Variants in TANC1 observed in about 807,000 individuals in gnomAD.
TANC1 encodes the protein protein TANC1.
TANC1 carries 77 observed loss-of-function variants against 149.7 expected under a neutral mutation model. That is an observed-to-expected ratio of 0.51 (90% confidence interval 0.43 to 0.62). The LOEUF (loss-of-function observed/expected upper bound fraction) is 0.62, where lower values mean the gene tolerates loss of function less well. TANC1 is among the 20% of genes least tolerant of loss of function. The probability of loss-of-function intolerance (pLI) is 0.00; values close to 1 mark genes in which losing one functional copy is unlikely to be tolerated. For synonymous variants in TANC1, 854 were observed against 925.0 expected, an observed-to-expected ratio of 0.92 and a Z score of 1.39; for missense variants, 1,985 against 2,321.8, an observed-to-expected ratio of 0.85 and a Z score of 2.98.
intron 19 of TANC1, among the ~76,000 whole-genome samples, chr2:159,213,441 CTCGGTATGTAAAACTGA>C (rs2059134556): frequency 6.6e-6 from 1 of 151,724 alleles, no homozygotes; most frequent in African/African-American, 2.4e-5. Flanking sequence ...GTCTCAGTGC[CTCGGTATGTAAAACTGA>C]CATAAATACC....
chr2:159,060,181 T>A, intron 2 of TANC1: 1 of 520,216 alleles, frequency 1.9e-6, no homozygotes, highest in Non-Finnish European at 2.5e-6. Flanking sequence ...TTGATGCTTC[T>A]TTGAAGCAAA....
Position 159,150,351 on chromosome 2 carries a change from C to G in TANC1, c.496-19C>G. 1 of 1,610,052 alleles carries G rather than the reference C, an allele frequency of 6.2e-7. No homozygotes were observed. The highest frequency in any genetic ancestry group is 8.5e-7 in the Non-Finnish European group (1 of 1,176,940). On this transcript the variant is annotated intron_variant, in intron 6 of 26. Coordinates refer to ENST00000263635, the MANE Select transcript of TANC1 (RefSeq NM_033394.3). ...TCCTGTGTAAGCCGTGCTAACTCCT[C>G]CTTCCATTCATCTTGCAGTGCACAG...
chr2:159,046,446 C>T (rs1007351124), intron 2 of TANC1, among the ~76,000 whole-genome samples: 2 of 152,126 alleles, frequency 1.3e-5, no homozygotes, highest in African/African-American at 4.8e-5. Flanking sequence ...TTGTCGACGT[C>T]CCAAATGGCC....
chr2:159,011,515 A>G (rs1356340421), intron 2 of TANC1, among the ~76,000 whole-genome samples: 3 of 149,498 alleles, frequency 2.0e-5, no homozygotes, highest in Non-Finnish European at 3.0e-5. Context: ...TGGAATTCAA[A>G]TTACACCTTA....
At chr2:159,073,537 A>T (rs2043352869) in intron 3 of TANC1, among the ~76,000 whole-genome samples, 1 of 152,192 alleles carries the variant, frequency 6.6e-6, no homozygotes, top group Admixed American at 6.5e-5. Context: ...TGCTTTTTGT[A>T]TGTGTATGTA....
At chr2:159,148,984 A>G in intron 5 of TANC1, 158 bp from the exon 6 acceptor site, 1 of 756,338 alleles carries the variant, frequency 1.3e-6, no homozygotes, top group Non-Finnish European at 2.1e-6. Context: ...CTTAATTAGA[A>G]TGTATTGCTA....
intron 3 of TANC1, among the ~76,000 whole-genome samples, chr2:159,072,604 T>C (rs1052878307): frequency 6.6e-6 from 1 of 152,206 alleles, no homozygotes; most frequent in Admixed American, 6.5e-5. Flanking sequence ...GAAAACTGTG[T>C]GATACCTTAA....
At chr2:159,136,073 G>A in intron 4 of TANC1, 121 bp from the exon 5 acceptor site, 1 of 568,762 alleles carries the variant, frequency 1.8e-6, no homozygotes, top group South Asian at 1.8e-5. Context: ...TTTAAGGGAG[G>A]GGAAGGCACT....
intron 4 of TANC1, among the ~76,000 whole-genome samples, chr2:159,114,642 A>G (rs1229634434): frequency 6.6e-6 from 1 of 152,162 alleles, no homozygotes; most frequent in African/African-American, 2.4e-5. Flanking sequence ...TTTTATTTGC[A>G]TTTTGACACT....
At chr2:159,120,826 C>T (rs1018123994) in intron 4 of TANC1, among the ~76,000 whole-genome samples, 1 of 152,116 alleles carries the variant, frequency 6.6e-6, no homozygotes, top group Non-Finnish European at 1.5e-5. Context: ...GTCTTGAACT[C>T]CTGAACTTAA....
At chr2:158,970,988 A>G (rs995660029) in intron 1 of TANC1, among the ~76,000 whole-genome samples, 1 of 152,230 alleles carries the variant, frequency 6.6e-6, no homozygotes, top group African/African-American at 2.4e-5. Context: ...TTGATCTAAG[A>G]TATAACTGAT....
intron 5 of TANC1, among the ~76,000 whole-genome samples, chr2:159,139,590 G>T (rs1403378984): frequency 6.6e-6 from 1 of 152,204 alleles, no homozygotes; most frequent in African/African-American, 2.4e-5. Flanking sequence ...AATTTATTTA[G>T]GTTTGCATTA....
rs192653780 is a variant in TANC1, at chr2:159,098,337, T to C, written c.259+503T>C. 3.0e-4 allele frequency among the ~76,000 whole-genome samples: 46 copies of C among 152,366 alleles called. No individual in the cohort carries two copies. In the East Asian group the frequency reaches 7.1e-3, roughly 24 times the overall value. Reference sequence around the variant, plus strand: ...TTTGTAGCCTAGGAGCAATAGGCTATGCCATATAGCCTAGGTATATAGTAG... The same window carrying C: ...TTTGTAGCCTAGGAGCAATAGGCTACGCCATATAGCCTAGGTATATAGTAG... On this transcript the variant is annotated intron_variant, in intron 4 of 26. Coordinates refer to ENST00000263635, the MANE Select transcript of TANC1 (RefSeq NM_033394.3).
intron 4 of TANC1, among the ~76,000 whole-genome samples, chr2:159,130,516 A>C (rs1363358086): frequency 6.6e-6 from 1 of 151,992 alleles, no homozygotes; most frequent in Admixed American, 6.6e-5. Flanking sequence ...GATTAGTGTC[A>C]TTGTGGTTTA....
intron 20 of TANC1, among the ~76,000 whole-genome samples, chr2:159,218,566 A>G (rs888543774): frequency 6.6e-6 from 1 of 152,150 alleles, no homozygotes; most frequent in Non-Finnish European, 1.5e-5. Context: ...TGTGTTGGGG[A>G]AAAATGGGCT....
rs751517218 is a variant in TANC1 at position 159,149,217 on chromosome 2, G to A, written c.440G>A (p.Gly147Glu). 9 of 1,614,026 alleles carry A rather than the reference G, an allele frequency of 5.6e-6. No individual in the cohort carries two copies. In the South Asian group the frequency reaches 6.6e-5, roughly 12 times the overall value. Residue 147 changes from glycine to glutamate, a missense_variant, in exon 6 of 27, where the codon GGA (glycine) becomes GAA (glutamate). Physicochemically the swap from Gly to Glu is moderately conservative, Grantham distance 98. Transcript: ENST00000263635. ...ELLTRLGFLL[G>E]EGIPSATHIT... ...TTGACAAGGCTGGGATTTTTACTGG[G>A]AGAAGGGATCCCAAGTGCCACACAC...
intron 25 of TANC1, chr2:159,228,245 A>G (rs1226278950): frequency 7.6e-6 from 3 of 392,506 alleles, no homozygotes; most frequent in African/African-American, 2.1e-5. Flanking sequence ...CAGCTTCCCA[A>G]CACTGTTGCT....
At chr2:159,065,173 G>C (rs1213637728) in intron 2 of TANC1, among the ~76,000 whole-genome samples, 3 of 152,128 alleles carry the variant, frequency 2.0e-5, no homozygotes, top group Non-Finnish European at 4.4e-5. Context: ...TCTTAGACCT[G>C]GGCCATTGTG....
chr2:159,164,996 G>A (rs1305962114), intron 8 of TANC1, among the ~76,000 whole-genome samples: 2 of 152,178 alleles, frequency 1.3e-5, no homozygotes, highest in African/African-American at 2.4e-5. Flanking sequence ...TGGCACCCAA[G>A]GCGCTTTAGA....
Sources: allele counts gnomAD v4.1 joint callset (sites outside exome capture counted in the v4.1 genomes callset), GRCh38; gene constraint gnomAD v4.1.1; transcripts MANE v1.5; gene names NCBI Gene and HGNC (gene_info 2026-07-23, HGNC 2026-07-21).